TENM2: variants seen among roughly 807,000 people sequenced by gnomAD.
The protein encoded by TENM2 is teneurin transmembrane protein 2, also known as teneurin-2.
A neutral mutation model predicts 245.2 loss-of-function variants in TENM2; 52 were observed. The ratio of observed to expected loss-of-function variants is 0.21; its 90% CI spans 0.17 to 0.27. The LOEUF is 0.27. TENM2 is among the 10% of genes least tolerant of loss of function. TENM2 has a pLI of 1.00. For synonymous variants in TENM2, 1,363 were observed against 1,438.9 expected, an observed-to-expected ratio of 0.95 and a Z score of 1.19; for missense variants, 3,046 against 3,666.8, an observed-to-expected ratio of 0.83 and a Z score of 4.37.
the TENM2 span, among the ~76,000 whole-genome samples, chr5:167,070,228 C>T: frequency 7.3e-5 from 11 of 151,350 alleles, no homozygotes; most frequent in Middle Eastern, 3.5e-3. Context: ...CTCCATTCTC[C>T]TGCCTCAGCC....
At chr5:167,344,302 A>C (rs1758316596) in intron 1 of TENM2, among the ~76,000 whole-genome samples, 1 of 114,930 alleles carries the variant, frequency 8.7e-6, no homozygotes, top group African/African-American at 3.6e-5. Context: ...ACACACACAC[A>C]CACACACATA....
At chr5:167,199,248 A>G in the TENM2 span, among the ~76,000 whole-genome samples, 1 of 152,074 alleles carries the variant, frequency 6.6e-6, no homozygotes, top group African/African-American at 2.4e-5. Context: ...TCTGTGTTTA[A>G]AGGACTGTGA....
intron 2 of TENM2, among the ~76,000 whole-genome samples, chr5:167,758,562 GC>G (rs1286620924): frequency 1.2e-4 from 19 of 152,094 alleles, no homozygotes. Context: ...TTCCCAGGTA[GC>G]CCTCTCCATA....
the TENM2 span, among the ~76,000 whole-genome samples, chr5:167,248,909 A>G: frequency 6.6e-6 from 1 of 152,286 alleles, no homozygotes; most frequent in African/African-American, 2.4e-5. Context: ...GAAATGAACA[A>G]CAAAAATGAA....
intron 5 of TENM2, among the ~76,000 whole-genome samples, chr5:168,011,435 TTCAA>T (rs1316496315): frequency 6.6e-6 from 1 of 152,228 alleles, no homozygotes; most frequent in African/African-American, 2.4e-5. Context: ...CTAAACATTT[TTCAA>T]TGCACAGGAC....
In TENM2 at chr5:168,218,343, C is replaced by A; in HGVS notation, c.4452C>A (p.His1484Gln). 1 of 1,614,054 alleles carries A rather than the reference C, an allele frequency of 6.2e-7. No homozygotes were observed. The highest frequency in any genetic ancestry group is 1.3e-5 in the African/African-American group (1 of 75,070). The change falls in exon 23 of 29, where the codon CAC (histidine) becomes CAA (glutamine). Residue 1484 changes from histidine to glutamine, a missense_variant. Transcript: ENST00000518659. The surrounding 1 kb of genome is among the most constrained non-coding windows in gnomAD (Gnocchi z 5.2). ...CAGCCAGTGCCATTGCCATTTCTCA[C>A]ACTGGGGTCCTCTACATCACTGAGA...
intron 2 of TENM2, among the ~76,000 whole-genome samples, chr5:167,500,895 G>A (rs1479933974): frequency 2.6e-5 from 4 of 152,036 alleles, no homozygotes; most frequent in Admixed American, 6.6e-5. Flanking sequence ...AGTACTAAAT[G>A]TCCTCCTTAG....
chr5:168,168,556 C>T (rs746081375), intron 13 of TENM2, among the ~76,000 whole-genome samples: 9 of 152,014 alleles, frequency 5.9e-5, no homozygotes, highest in African/African-American at 1.9e-4. Flanking sequence ...TCCTGGCATG[C>T]GCCTGTAGTT....
chr5:168,253,424 A>AT (rs200574779), intron 27 of TENM2, among the ~76,000 whole-genome samples: 61,566 of 139,358 alleles, frequency 0.44, 15,205 homozygotes, highest in South Asian at 0.59. Context: ...TGCATTCATT[A>AT]TTTTATTTTT....
chr5:168,079,182 C>T (rs1791750206), intron 7 of TENM2, among the ~76,000 whole-genome samples: 1 of 152,180 alleles, frequency 6.6e-6, no homozygotes, highest in African/African-American at 2.4e-5. Context: ...ATTTTATTCT[C>T]TTTGAAGCAA....
Position 167,885,539 on chromosome 5 carries a change from C to A in TENM2, c.712+9344C>A, listed in dbSNP as rs183637247. Among the ~76,000 whole-genome samples the A allele has an allele frequency of 2.4e-3, 361 of 152,268 alleles. 1 individual carries two copies. The highest frequency in any genetic ancestry group is 4.2e-3 in the Non-Finnish European group (285 of 68,014). ...AATTTTACAGAACCCAAGCACGAGG[C>A]CACTCCATGGCTGTGGTGACATGAA... On this transcript the variant is annotated intron_variant, in intron 3 of 28. Coordinates refer to ENST00000518659, the Ensembl canonical transcript of TENM2.
At chr5:167,245,208 G>A in the TENM2 span, among the ~76,000 whole-genome samples, 1 of 152,104 alleles carries the variant, frequency 6.6e-6, no homozygotes, top group Non-Finnish European at 1.5e-5. Flanking sequence ...CAAGAGAGTA[G>A]GTAACTTGAC....
intron 4 of TENM2, among the ~76,000 whole-genome samples, chr5:167,984,066 G>A (rs1454247237): frequency 2.0e-5 from 3 of 152,148 alleles, no homozygotes; most frequent in African/African-American, 7.2e-5. Flanking sequence ...ACAAGCCCAA[G>A]AAGTAGCTAC....
At chr5:167,109,635 A>G in the TENM2 span, among the ~76,000 whole-genome samples, 2 of 152,214 alleles carry the variant, frequency 1.3e-5, no homozygotes, top group Admixed American at 6.5e-5. Context: ...TCTCACGTTC[A>G]TCCTAATGAT....
At chr5:167,670,709 T>G (rs997901771) in intron 2 of TENM2, among the ~76,000 whole-genome samples, 2 of 152,170 alleles carry the variant, frequency 1.3e-5, no homozygotes, top group African/African-American at 4.8e-5. Flanking sequence ...CTTCCACTTT[T>G]TTCCTTGGAA....
At chr5:167,415,072 A>T (rs956775235) in intron 2 of TENM2, among the ~76,000 whole-genome samples, 33 of 152,096 alleles carry the variant, frequency 2.2e-4, no homozygotes, top group Non-Finnish European at 4.4e-4. Flanking sequence ...CAGGTAAAGA[A>T]TTTTGCCAGG....
intron 3 of TENM2, among the ~76,000 whole-genome samples, chr5:167,887,197 C>A (rs529761248): frequency 5.9e-5 from 9 of 152,346 alleles, no homozygotes; most frequent in Middle Eastern, 3.4e-3. Context: ...TTTAGCACCT[C>A]ATTGCATTCT....
chr5:167,840,484 A>G (rs1011477709), intron 2 of TENM2, among the ~76,000 whole-genome samples: 2 of 152,190 alleles, frequency 1.3e-5, no homozygotes, highest in African/African-American at 4.8e-5. Flanking sequence ...AATGAACCCG[A>G]TGCAAACTGA....
intron 2 of TENM2, among the ~76,000 whole-genome samples, chr5:167,811,824 G>A (rs1766665796): frequency 6.6e-6 from 1 of 152,152 alleles, no homozygotes; most frequent in African/African-American, 2.4e-5. Flanking sequence ...GTTTAAGAGA[G>A]ATGAGCAAAT....
Sources: gnomAD v4.1 joint callset for allele counts (sites outside exome capture counted in the v4.1 genomes callset) on GRCh38, gnomAD v4.1.1 for gene constraint, Gnocchi (gnomAD v3.1) non-coding constraint, MANE v1.5 for transcripts, NCBI Gene and HGNC (gene_info 2026-07-23, HGNC 2026-07-21) for gene names.